The following MGMT variants were observed in gnomAD, a reference collection of about 807,000 sequenced individuals.
MGMT encodes the protein O-6-methylguanine-DNA methyltransferase, also known as methylated-DNA--protein-cysteine methyltransferase.
MGMT carries 14 observed loss-of-function variants against 15.9 expected under a neutral mutation model. The observed-to-expected ratio is 0.88, with a 90% CI of 0.58 to 1.37. The LOEUF (loss-of-function observed/expected upper bound fraction) is 1.37. Ranked by LOEUF, MGMT falls within the 40% of genes most tolerant of loss-of-function variation. The probability of loss-of-function intolerance (pLI) is 0.00; values close to 1 mark genes in which losing one functional copy is unlikely to be tolerated. For missense variants in MGMT, 282 were observed against 268.1 expected (o/e 1.05, Z -0.36); for synonymous variants, 130 against 118.2 (o/e 1.10, Z -0.65).
At chr10:129,720,298 G>A (rs969280987) in intron 3 of MGMT, among the ~76,000 whole-genome samples, 11 of 152,202 alleles carry the variant, frequency 7.2e-5, no homozygotes, top group Admixed American at 1.3e-4. Context: ...GGGATGACAC[G>A]TTCAAAGCGT....
At chr10:129,690,387 A>G (rs1446502968) in intron 2 of MGMT, among the ~76,000 whole-genome samples, 1 of 152,112 alleles carries the variant, frequency 6.6e-6, no homozygotes, top group African/African-American at 2.4e-5. Flanking sequence ...TCACTTATTC[A>G]CTCATTAATA....
At chr10:129,655,606 G>A (rs537847822) in intron 2 of MGMT, among the ~76,000 whole-genome samples, 15 of 152,260 alleles carry the variant, frequency 9.9e-5, no homozygotes, top group African/African-American at 3.6e-4. Context: ...TGAGGGACTG[G>A]CATAAACAAA....
intron 2 of MGMT, among the ~76,000 whole-genome samples, chr10:129,672,038 A>G (rs1159804330): frequency 6.6e-6 from 1 of 152,260 alleles, no homozygotes; most frequent in Non-Finnish European, 1.5e-5. Flanking sequence ...ATCTACATGA[A>G]TACTTGTTTT....
intron 2 of MGMT, among the ~76,000 whole-genome samples, chr10:129,655,987 G>C (rs939659942): frequency 2.6e-5 from 4 of 152,200 alleles, no homozygotes; most frequent in African/African-American, 4.8e-5. Context: ...GAGGTGCCCT[G>C]GCCTGGGGAC....
intron 2 of MGMT, among the ~76,000 whole-genome samples, chr10:129,660,588 C>T (rs1847584548): frequency 6.6e-6 from 1 of 152,186 alleles, no homozygotes; most frequent in Non-Finnish European, 1.5e-5. Flanking sequence ...CTTCAGCATG[C>T]TGAGGGACAT....
intron 2 of MGMT, among the ~76,000 whole-genome samples, chr10:129,604,881 G>A (rs905023902): frequency 6.6e-6 from 1 of 152,178 alleles, no homozygotes; most frequent in Non-Finnish European, 1.5e-5. Flanking sequence ...TTCGGGCTGC[G>A]TCAATAAAGA....
chr10:129,553,062 T>C (rs1846176117), intron 2 of MGMT, among the ~76,000 whole-genome samples: 1 of 152,238 alleles, frequency 6.6e-6, no homozygotes, highest in Non-Finnish European at 1.5e-5. Context: ...ATGTCTCCTC[T>C]TAACCATGCG....
chr10:129,741,008 G>T (rs754501973), intron 3 of MGMT, among the ~76,000 whole-genome samples: 1 of 152,188 alleles, frequency 6.6e-6, no homozygotes, highest in Non-Finnish European at 1.5e-5. Context: ...AGGAGCGTCT[G>T]TTGGATGCCT....
At chr10:129,693,921 G>T (rs1327011020) in intron 2 of MGMT, 1 of 149,682 alleles carries the variant, frequency 6.7e-6, no homozygotes. Flanking sequence ...AAAAAAAAAA[G>T]TGAGACTTTG....
intron 2 of MGMT, among the ~76,000 whole-genome samples, chr10:129,575,674 T>G (rs1846472955): frequency 6.7e-6 from 1 of 148,836 alleles, no homozygotes. Context: ...AAGCAAGAAA[T>G]AACTAAGATC....
At chr10:129,674,700 G>A (rs200933831) in intron 2 of MGMT, among the ~76,000 whole-genome samples, 1 of 152,268 alleles carries the variant, frequency 6.6e-6, no homozygotes, top group Non-Finnish European at 1.5e-5. Context: ...AGCAGCCTGG[G>A]GGAGGTGGAG....
At chr10:129,613,669 T>A (rs1846987763) in intron 2 of MGMT, among the ~76,000 whole-genome samples, 1 of 152,248 alleles carries the variant, frequency 6.6e-6, no homozygotes, top group Non-Finnish European at 1.5e-5. Flanking sequence ...CATTTACCAT[T>A]TAAATGAGCC....
chr10:129,705,788 C>T (rs943879698), intron 2 of MGMT, among the ~76,000 whole-genome samples: 1 of 152,198 alleles, frequency 6.6e-6, no homozygotes, highest in African/African-American at 2.4e-5. Context: ...CAACAGGCCC[C>T]ATCCACACAG....
At chr10:129,615,173 A>C (rs778200487) in intron 2 of MGMT, among the ~76,000 whole-genome samples, 2 of 152,130 alleles carry the variant, frequency 1.3e-5, no homozygotes, top group South Asian at 2.1e-4. Flanking sequence ...ATTTTAAGTG[A>C]AAGTCATTTC....
chr10:129,719,673 C>T (rs552616482), intron 3 of MGMT, among the ~76,000 whole-genome samples: 21 of 152,138 alleles, frequency 1.4e-4, no homozygotes, highest in Non-Finnish European at 2.4e-4. Flanking sequence ...ATTAGGGCTA[C>T]CTGAACAACC....
At chr10:129,670,393 T>G (rs1847708569) in intron 2 of MGMT, among the ~76,000 whole-genome samples, 1 of 152,228 alleles carries the variant, frequency 6.6e-6, no homozygotes. Flanking sequence ...TTAAAAATTT[T>G]TTCTTTGAAA....
At chr10:129,762,734 G>A (rs868844216) in intron 4 of MGMT, among the ~76,000 whole-genome samples, 3 of 152,096 alleles carry the variant, frequency 2.0e-5, no homozygotes, top group African/African-American at 7.2e-5. Flanking sequence ...GTTTATTCAC[G>A]GATTGCCATG....
intron 1 of MGMT, among the ~76,000 whole-genome samples, chr10:129,488,874 G>C (rs994229015): frequency 6.6e-6 from 1 of 152,150 alleles, no homozygotes; most frequent in South Asian, 2.1e-4. Context: ...CATGTGACAT[G>C]TGGATATAGA....
intron 2 of MGMT, among the ~76,000 whole-genome samples, chr10:129,639,303 A>G (rs188953697): frequency 8.7e-4 from 133 of 152,328 alleles, no homozygotes; most frequent in African/African-American, 2.8e-3. Flanking sequence ...ACATAGCGAT[A>G]AAGTATTCAG....
Sources: allele counts gnomAD v4.1 joint callset (sites outside exome capture counted in the v4.1 genomes callset), GRCh38; gene constraint gnomAD v4.1.1; transcripts MANE v1.5; gene names NCBI Gene and HGNC (gene_info 2026-07-23, HGNC 2026-07-21).